The following KLF12 variants were observed in gnomAD, a reference collection of about 807,000 sequenced individuals.
The protein encoded by KLF12 is KLF transcription factor 12.
A neutral mutation model predicts 37.8 loss-of-function variants in KLF12; 9 were observed. The ratio of observed to expected loss-of-function variants is 0.24; its 90% CI spans 0.14 to 0.42. KLF12 has a LOEUF of 0.42. Among genes scored for constraint, KLF12 ranks in the 10% least tolerant of loss-of-function variants. The pLI is 1.00. For synonymous variants in KLF12, 208 were observed against 202.1 expected, an observed-to-expected ratio of 1.03 and a Z score of -0.25; for missense variants, 411 against 516.0, an observed-to-expected ratio of 0.80 and a Z score of 1.97.
At chr13:74,058,152 A>G (rs1379742442) in intron 1 of KLF12, among the ~76,000 whole-genome samples, 6 of 151,442 alleles carry the variant, frequency 4.0e-5, no homozygotes, top group African/African-American at 1.5e-4. Context: ...TTTTTAGTAG[A>G]GATGGGTTTT....
chr13:74,291,390 T>C, the KLF12 span, among the ~76,000 whole-genome samples: 1 of 152,254 alleles, frequency 6.6e-6, no homozygotes, highest in African/African-American at 2.4e-5. Context: ...CAGGAAGAAG[T>C]GTTGGTAGTG....
At chr13:74,299,628 G>A in the KLF12 span, among the ~76,000 whole-genome samples, 16 of 152,164 alleles carry the variant, frequency 1.1e-4, no homozygotes, top group Admixed American at 2.6e-4. Flanking sequence ...AACTTTCCTA[G>A]CGTTAAGGGC....
intron 2 of KLF12, among the ~76,000 whole-genome samples, chr13:73,974,498 A>G (rs1891451776): frequency 6.6e-6 from 1 of 152,196 alleles, no homozygotes; most frequent in South Asian, 2.1e-4. Context: ...TTTGACTATA[A>G]AAGAAAATAT....
chr13:73,729,226 T>A (rs943343398), intron 6 of KLF12, among the ~76,000 whole-genome samples: 2 of 152,210 alleles, frequency 1.3e-5, no homozygotes, highest in African/African-American at 4.8e-5. Flanking sequence ...TTTTAAAGTA[T>A]CATGTGTTAT....
intron 2 of KLF12, among the ~76,000 whole-genome samples, chr13:73,957,089 AGGAAAGGAAAGGAAAGAAAG>A (rs1404214851): frequency 4.5e-5 from 6 of 132,672 alleles, no homozygotes; most frequent in African/African-American, 1.5e-4. Flanking sequence ...AGGAAAGGAA[AGGAAAGGAAAGGAAAGAAAG>A]GAAAAGAAAG....
At chr13:74,264,848 C>A in the KLF12 span, among the ~76,000 whole-genome samples, 1 of 151,958 alleles carries the variant, frequency 6.6e-6, no homozygotes, top group Non-Finnish European at 1.5e-5. Context: ...TCCAAACATG[C>A]TCAACCAAAA....
the KLF12 span, among the ~76,000 whole-genome samples, chr13:74,252,995 CTATCTA>C: frequency 8.0e-6 from 1 of 124,272 alleles, no homozygotes; most frequent in Admixed American, 7.3e-5. Flanking sequence ...ATCTATCTAT[CTATCTA>C]TCTATCTATC....
intron 1 of KLF12, among the ~76,000 whole-genome samples, chr13:74,037,203 CA>C (rs200460958): frequency 0.25 from 17,438 of 69,750 alleles, 766 homozygotes; most frequent in African/African-American, 0.32. Flanking sequence ...ACTCCGTCTC[CA>C]AAAAAAAAAA....
At position 73,691,603 on chromosome 13, in the gene KLF12, T is replaced by G. The variant is rs918421549; in HGVS notation, c.*3887A>C. 9 of 152,626 alleles carry G rather than the reference T, an allele frequency of 5.9e-5. No homozygotes were observed. Among genetic ancestry groups the G allele is most frequent in the African/African-American group, 2.2e-4 (9 of 41,454 alleles). 9.5% of individuals were successfully genotyped at this position (152,626 alleles called of 1,614,324 possible). On this transcript the variant is annotated 3_prime_UTR_variant, in exon 8 of 8. Transcript: ENST00000377669. ...TCCTCACTATAAATGTTAAGACATC[T>G]TTAGAACAACATCATGGCTACATTT...
intron 3 of KLF12, among the ~76,000 whole-genome samples, chr13:73,903,950 T>C (rs1284540962): frequency 6.6e-6 from 1 of 152,174 alleles, no homozygotes; most frequent in African/African-American, 2.4e-5. Context: ...TTTGGTTCCA[T>C]TCTCGGAAAA....
intron 3 of KLF12, among the ~76,000 whole-genome samples, chr13:73,869,373 A>G (rs1180318836): frequency 6.6e-6 from 1 of 152,110 alleles, no homozygotes; most frequent in Non-Finnish European, 1.5e-5. Context: ...TAAAAAATAC[A>G]TTTGTTGTGA....
the KLF12 span, among the ~76,000 whole-genome samples, chr13:74,260,867 A>G: frequency 2.0e-5 from 3 of 152,154 alleles, no homozygotes; most frequent in Admixed American, 1.3e-4. Flanking sequence ...GAAGCACAAG[A>G]TTTGCAGTCA....
intron 2 of KLF12, 35 bp from the exon 3 acceptor site, chr13:73,944,105 T>A: frequency 7.3e-7 from 1 of 1,361,192 alleles, no homozygotes; most frequent in Non-Finnish European, 1.0e-6. Flanking sequence ...GATTCAGCTC[T>A]AAAGCATTCA....
chr13:74,140,347 A>G, the KLF12 span, among the ~76,000 whole-genome samples: 2 of 151,898 alleles, frequency 1.3e-5, no homozygotes, highest in Non-Finnish European at 2.9e-5. Flanking sequence ...ATGTAGAGAG[A>G]CTCTGTCTCT....
chr13:74,080,763 T>C (rs9543521), intron 1 of KLF12, among the ~76,000 whole-genome samples: 1 of 152,044 alleles, frequency 6.6e-6, no homozygotes, highest in African/African-American at 2.4e-5. Flanking sequence ...TGTTTAAGAC[T>C]GTTTATAGGT....
chr13:74,293,216 C>T, the KLF12 span, among the ~76,000 whole-genome samples: 5 of 152,130 alleles, frequency 3.3e-5, no homozygotes, highest in Non-Finnish European at 5.9e-5. Flanking sequence ...TGCCAGTGCT[C>T]TTTAGGGTAG....
At chr13:74,137,216 A>G (rs1417732711), upstream of KLF12, among the ~76,000 whole-genome samples, 2 of 152,224 alleles carry the variant, frequency 1.3e-5, no homozygotes, top group Admixed American at 1.3e-4. Context: ...AGAGATGTGA[A>G]AAGTCAGAAA....
the KLF12 span, among the ~76,000 whole-genome samples, chr13:74,162,033 A>G: frequency 6.6e-6 from 1 of 152,196 alleles, no homozygotes. Context: ...GATAGAGTTC[A>G]TTTTAATAAG....
At chr13:74,194,914 T>C in the KLF12 span, among the ~76,000 whole-genome samples, 1 of 152,246 alleles carries the variant, frequency 6.6e-6, no homozygotes. Context: ...CAACTCATAA[T>C]TATCTTTTTG....
Sources: gnomAD v4.1 joint callset for allele counts (sites outside exome capture counted in the v4.1 genomes callset) on GRCh38, gnomAD v4.1.1 for gene constraint, MANE v1.5 for transcripts, NCBI Gene and HGNC (gene_info 2026-07-23, HGNC 2026-07-21) for gene names.